MOB2: variants seen among roughly 807,000 people sequenced by gnomAD.
MOB2 encodes MOB kinase activator 2.
Under a neutral mutation model 27.4 loss-of-function variants are expected in MOB2, and 14 were observed. That is an observed-to-expected ratio of 0.51 (90% CI 0.34 to 0.80). The LOEUF (loss-of-function observed/expected upper bound fraction) is 0.80. Ranked by LOEUF, MOB2 falls within the 30% of genes least tolerant of loss-of-function variation. MOB2 has a pLI of 0.01. For missense variants in MOB2, 304 were observed against 354.6 expected (o/e 0.86, Z 1.15); for synonymous variants, 167 against 151.8 (o/e 1.10, Z -0.74).
chr11:1,473,648 G>A (rs905263962), intron 3 of MOB2, among the ~76,000 whole-genome samples: 4 of 152,244 alleles, frequency 2.6e-5, no homozygotes, highest in Non-Finnish European at 5.9e-5. Context: ...CCCAGAGAAA[G>A]CAGTAACTCA....
chr11:1,479,765 C>T (rs888326280), intron 3 of MOB2, among the ~76,000 whole-genome samples: 4 of 152,242 alleles, frequency 2.6e-5, no homozygotes, highest in African/African-American at 9.6e-5. Flanking sequence ...TTCCGCCCTC[C>T]TCAGCCGCAC....
Position 1,470,233 on chromosome 11 carries a change from C to T in MOB2, c.746G>A (p.Gly249Asp). ...CCCGCTGCCGGCCCCATCCCCACTG[C>T]CCCCACTGTGGACCCCGCCGGCCCC... ...CSGAGGVHSG[G>D]SGDGAGSGGP... The change falls in exon 5 of 5, where the codon GGC becomes GAC. Residue 249 changes from glycine (G) to aspartate (D), a missense_variant. By Grantham distance (94) the Gly-to-Asp change is moderately conservative. Coordinates refer to ENST00000329957, the MANE Select transcript of MOB2 (RefSeq NM_001172223.3). 6.2e-7 allele frequency: 1 copy of T among 1,612,440 alleles called. No homozygotes were observed. Among genetic ancestry groups the T allele is most frequent in the South Asian group, 1.1e-5 (1 of 91,070 alleles).
chr11:1,470,014 G>A lies in MOB2; in HGVS notation c.*158C>T, dbSNP rs760000130. On this transcript the variant is annotated 3_prime_UTR_variant, in exon 5 of 5. Transcript: ENST00000329957. ...GGGGCCACAGGACACGGCCGGGGCC[G>A]TCTGCGTCTGTGCCTGTGCAGCCCA... 75 of 1,528,466 alleles carry A rather than the reference G, an allele frequency of 4.9e-5. No individual in the cohort carries two copies. Among genetic ancestry groups the A allele is most frequent in the South Asian group, 1.2e-4 (10 of 83,132 alleles). The allele number at this position is 1,528,466 out of a possible 1,614,324, so 94.7% of individuals were successfully genotyped here.
At chr11:1,485,578 G>C (rs147428249) in intron 1 of MOB2, among the ~76,000 whole-genome samples, 1 of 152,196 alleles carries the variant, frequency 6.6e-6, no homozygotes, top group Non-Finnish European at 1.5e-5. Context: ...AGATGCACAC[G>C]GGTGCCGCAG....
At chr11:1,477,702 T>C (rs1847867696) in intron 3 of MOB2, among the ~76,000 whole-genome samples, 1 of 152,168 alleles carries the variant, frequency 6.6e-6, no homozygotes, top group African/African-American at 2.4e-5. Flanking sequence ...ATCTTCACCT[T>C]GGACTTTCAG....
At chr11:1,483,993 C>T (rs557250269) in intron 1 of MOB2, among the ~76,000 whole-genome samples, 4 of 152,262 alleles carry the variant, frequency 2.6e-5, no homozygotes, top group Admixed American at 6.5e-5. Context: ...GGCTGGGAGC[C>T]GCCCACTCCT....
intron 3 of MOB2, among the ~76,000 whole-genome samples, chr11:1,475,192 G>T (rs1431416685): frequency 2.0e-5 from 3 of 152,146 alleles, no homozygotes; most frequent in African/African-American, 7.2e-5. Context: ...ATTATAAATG[G>T]CATGTTAAAT....
In MOB2 at chr11:1,486,642, A is replaced by G. The variant is rs1590769665; in HGVS notation, c.-86T>C. On this transcript the variant is annotated 5_prime_UTR_variant, in exon 1 of 5. Coordinates refer to ENST00000329957, the MANE Select transcript of MOB2 (RefSeq NM_001172223.3). ...GCAAATGCCTGCTGCCGGGCCCTCC[A>G]GCCTCACTCCCTGGCCAATGGGACG... The G allele has an allele frequency of 2.3e-6, 2 of 882,370 alleles. No homozygotes were observed. Among genetic ancestry groups the G allele is most frequent in the South Asian group, 1.5e-5 (1 of 64,750 alleles). The allele number at this position is 882,370 out of a possible 1,614,324, so 54.7% of individuals were successfully genotyped here.
Position 1,481,907 on chromosome 11 carries a change from G to A in MOB2, c.111-1022C>T, listed in dbSNP as rs547717699. 1.6e-4 allele frequency among the ~76,000 whole-genome samples: 25 copies of A among 152,300 alleles called. No individual in the cohort carries two copies. In the South Asian group the frequency reaches 4.1e-3, roughly 25 times the overall value. ...GGGCACTTGGGGTCCTCACAGTACAGGGGTGGGACAGACAGGGTGAGCTTC... is the reference window on the plus strand; with the variant it reads ...GGGCACTTGGGGTCCTCACAGTACAAGGGTGGGACAGACAGGGTGAGCTTC... On this transcript the variant is annotated intron_variant, in intron 1 of 4. Transcript: ENST00000329957.
At chr11:1,474,111 C>T (rs992105272) in intron 3 of MOB2, among the ~76,000 whole-genome samples, 8 of 152,208 alleles carry the variant, frequency 5.3e-5, no homozygotes, top group Non-Finnish European at 1.0e-4. Flanking sequence ...GTGTCCCGAC[C>T]GGCATGTGGG....
intron 1 of MOB2, among the ~76,000 whole-genome samples, chr11:1,484,985 GAA>G (rs1847955216): frequency 6.6e-6 from 1 of 152,154 alleles, no homozygotes; most frequent in African/African-American, 2.4e-5. Flanking sequence ...CATTGAGAAG[GAA>G]AAAGCCAAGA....
intron 3 of MOB2, among the ~76,000 whole-genome samples, chr11:1,473,973 TC>T (rs200383090): frequency 4.7e-5 from 2 of 42,674 alleles, no homozygotes; most frequent in East Asian, 0.045. Context: ...GGCAGACGTG[TC>T]GGAAGTCCAC....
At chr11:1,479,343 C>T (rs1329076939) in intron 3 of MOB2, among the ~76,000 whole-genome samples, 5 of 152,234 alleles carry the variant, frequency 3.3e-5, no homozygotes, top group Non-Finnish European at 7.3e-5. Flanking sequence ...TGGAGGCCAC[C>T]GCCGTCTCAC....
chr11:1,485,749 G>A (rs762094635), intron 1 of MOB2, among the ~76,000 whole-genome samples: 2 of 151,832 alleles, frequency 1.3e-5, no homozygotes, highest in Non-Finnish European at 2.9e-5. Context: ...CCACACACAC[G>A]GGTGCACGCT....
rs1352259397 is a variant in MOB2 at position 1,470,226 on chromosome 11, C to T, written c.753G>A (p.Gly251=). 4 of 1,612,270 alleles carry T rather than the reference C, an allele frequency of 2.5e-6. No individual in the cohort carries two copies. The highest frequency in any genetic ancestry group is 1.7e-6 in the Non-Finnish European group (2 of 1,179,794). The stretch of plus-strand genomic sequence containing the variant: ...CCGGGCCCCCGCTGCCGGCCCCATC[C>T]CCACTGCCCCCACTGTGGACCCCGC... The part of the protein sequence containing the change: ...GAGGVHSGGS[G]DGAGSGGPGA... The change falls in exon 5 of 5, where the codon GGG becomes GGA. Residue 251 remains glycine, a synonymous_variant. Coordinates refer to ENST00000329957, the MANE Select transcript of MOB2 (RefSeq NM_001172223.3).
rs941146054 is a variant in MOB2, at chr11:1,481,027, A to AGGACACCAACG, written c.111-153_111-143dup. ...GACACTGCCTCCCTGCCAGGCTCAA[A>AGGACACCAACG]GGACACCAACGGGACACCAACGGTG... On this transcript the variant is annotated intron_variant, in intron 1 of 4. Coordinates refer to ENST00000329957, the MANE Select transcript of MOB2 (RefSeq NM_001172223.3). 4 of 1,043,550 alleles carry AGGACACCAACG rather than the reference A, an allele frequency of 3.8e-6. No homozygotes were observed. In the Admixed American group the frequency reaches 7.1e-5, roughly 18 times the overall value. The allele number at this position is 1,043,550 out of a possible 1,614,324, so 64.6% of individuals were successfully genotyped here.
At chr11:1,482,348 G>A (rs924440278) in intron 1 of MOB2, among the ~76,000 whole-genome samples, 19 of 152,252 alleles carry the variant, frequency 1.2e-4, no homozygotes, top group African/African-American at 1.7e-4. Context: ...GGCCCACTCA[G>A]GGAGGCTGCC....
intron 3 of MOB2, among the ~76,000 whole-genome samples, chr11:1,474,146 GT>G (rs1287591551): frequency 6.6e-6 from 1 of 152,256 alleles, no homozygotes; most frequent in African/African-American, 2.4e-5. Context: ...TCTGCCCATG[GT>G]TTCGGCTTGC....
chr11:1,472,535 C>G (rs1297938565), intron 3 of MOB2: 1 of 152,824 alleles, frequency 6.5e-6, no homozygotes, highest in Non-Finnish European at 1.5e-5. Context: ...GACCAACAGG[C>G]AGTCTGCCAG....
Sources: gnomAD v4.1 joint callset for allele counts (sites outside exome capture counted in the v4.1 genomes callset) on GRCh38, gnomAD v4.1.1 for gene constraint, MANE v1.5 for transcripts, NCBI Gene and HGNC (gene_info 2026-07-23, HGNC 2026-07-21) for gene names.